The following HCN1 variants were observed in gnomAD, a reference collection of about 807,000 sequenced individuals.
The protein encoded by HCN1 is potassium/sodium hyperpolarization-activated cyclic nucleotide-gated channel 1.
A neutral mutation model predicts 78.9 loss-of-function variants in HCN1; 13 were observed. The ratio of observed to expected loss-of-function variants is 0.16; its 90% confidence interval spans 0.11 to 0.26. HCN1 has a LOEUF of 0.26. Ranked by LOEUF, HCN1 falls within the 10% of genes least tolerant of loss-of-function variation. The pLI, the probability that HCN1 is intolerant of heterozygous loss-of-function variation, is 1.00. For synonymous variants in HCN1, 552 were observed against 455.5 expected, an observed-to-expected ratio of 1.21 and a Z score of -2.70; for missense variants, 810 against 1,154.3, an observed-to-expected ratio of 0.70 and a Z score of 4.32.
At chr5:45,338,467 G>A (rs899499519) in intron 5 of HCN1, among the ~76,000 whole-genome samples, 8 of 152,124 alleles carry the variant, frequency 5.3e-5, no homozygotes, top group African/African-American at 1.9e-4. Context: ...TATATTAGAT[G>A]TGTGTATACA....
chr5:45,509,683 C>T (rs1313410584), intron 2 of HCN1, among the ~76,000 whole-genome samples: 2 of 152,092 alleles, frequency 1.3e-5, no homozygotes, highest in Non-Finnish European at 2.9e-5. Context: ...AGACGGGCTA[C>T]GTTGGAGCTA....
chr5:45,400,980 T>G (rs953913998), intron 3 of HCN1, among the ~76,000 whole-genome samples: 1 of 152,224 alleles, frequency 6.6e-6, no homozygotes, highest in African/African-American at 2.4e-5. Context: ...CACATAACTA[T>G]GTAATAGTTT....
At position 45,286,169 on chromosome 5, in the gene HCN1, G is replaced by A. The variant is rs535047206; in HGVS notation, c.1618+17430C>T. ...TTGTGTCTTCTCTCAGTGGCAAATC[G>A]ATAATGATAATAATGTTATCTTTAC... On this transcript the variant is annotated intron_variant, in intron 6 of 7. Coordinates refer to ENST00000303230, the MANE Select transcript of HCN1 (RefSeq NM_021072.4). 1.5e-4 allele frequency among the ~76,000 whole-genome samples: 23 copies of A among 152,008 alleles called. No homozygotes were observed. In the East Asian group the frequency reaches 1.9e-3, roughly 13 times the overall value.
intron 1 of HCN1, among the ~76,000 whole-genome samples, chr5:45,650,705 T>C (rs1745659924): frequency 6.6e-6 from 1 of 151,958 alleles, no homozygotes; most frequent in Non-Finnish European, 1.5e-5. Flanking sequence ...TCCCTATAGG[T>C]TTCTAGAAGA....
At chr5:45,292,878 G>A (rs1745408840) in intron 6 of HCN1, among the ~76,000 whole-genome samples, 2 of 151,914 alleles carry the variant, frequency 1.3e-5, no homozygotes, top group East Asian at 2.0e-4. Flanking sequence ...ACTGTGCTCT[G>A]GTTTTACATG....
intron 2 of HCN1, among the ~76,000 whole-genome samples, chr5:45,473,076 T>G (rs938844015): frequency 1.3e-5 from 2 of 151,928 alleles, no homozygotes; most frequent in Non-Finnish European, 2.9e-5. Flanking sequence ...TCATCATCAC[T>G]TTTTTCCATA....
intron 2 of HCN1, among the ~76,000 whole-genome samples, chr5:45,591,418 C>G (rs1561212726): frequency 6.6e-6 from 1 of 152,104 alleles, no homozygotes; most frequent in Non-Finnish European, 1.5e-5. Context: ...GCTCTGCATC[C>G]TCTTCAGTAT....
At chr5:45,553,623 G>A (rs537598482) in intron 2 of HCN1, among the ~76,000 whole-genome samples, 4 of 151,924 alleles carry the variant, frequency 2.6e-5, no homozygotes, top group Admixed American at 6.6e-5. Flanking sequence ...AAATGGCATA[G>A]TATTTGCATA....
chr5:45,397,795 T>G (rs1739715386), intron 3 of HCN1, among the ~76,000 whole-genome samples: 1 of 151,678 alleles, frequency 6.6e-6, no homozygotes. Flanking sequence ...CCATAAATAA[T>G]ACTGTATTAA....
intron 3 of HCN1, among the ~76,000 whole-genome samples, chr5:45,414,183 A>G (rs1740075550): frequency 6.6e-6 from 1 of 151,992 alleles, no homozygotes; most frequent in East Asian, 1.9e-4. Context: ...ACTAAGCAGG[A>G]GAAAATCTTA....
intron 3 of HCN1, among the ~76,000 whole-genome samples, chr5:45,413,580 G>A (rs1453879346): frequency 3.3e-5 from 5 of 151,220 alleles, no homozygotes; most frequent in South Asian, 2.1e-4. Context: ...AGCAAATTGC[G>A]TAAGTAAGAT....
chr5:45,624,806 T>C (rs1483933649), intron 2 of HCN1, among the ~76,000 whole-genome samples: 1 of 151,912 alleles, frequency 6.6e-6, no homozygotes, highest in East Asian at 1.9e-4. Context: ...AGCAGGGATG[T>C]AGGGCACACT....
At chr5:45,263,976 G>A (rs1413778933) in intron 7 of HCN1, among the ~76,000 whole-genome samples, 1 of 151,964 alleles carries the variant, frequency 6.6e-6, no homozygotes, top group East Asian at 1.9e-4. Context: ...TGTATTTTTA[G>A]TAGAGATGGG....
chr5:45,642,328 C>T (rs1014106725), intron 2 of HCN1: 4 of 152,030 alleles, frequency 2.6e-5, no homozygotes, highest in African/African-American at 9.7e-5. Context: ...ACCACTAATT[C>T]AGCTTTAGTA....
intron 6 of HCN1, among the ~76,000 whole-genome samples, chr5:45,282,016 G>A (rs953900343): frequency 6.6e-6 from 1 of 152,088 alleles, no homozygotes; most frequent in African/African-American, 2.4e-5. Context: ...TGGTACAAAA[G>A]CACATAGATT....
chr5:45,372,060 T>TTATATA (rs1436145054), intron 4 of HCN1, among the ~76,000 whole-genome samples: 5 of 58,194 alleles, frequency 8.6e-5, no homozygotes, highest in African/African-American at 3.6e-4. Flanking sequence ...TATAATATAA[T>TTATATA]TATATTATAT....
At chr5:45,334,471 A>G (rs1746412589) in intron 5 of HCN1, among the ~76,000 whole-genome samples, 1 of 151,822 alleles carries the variant, frequency 6.6e-6, no homozygotes, top group Admixed American at 6.6e-5. Context: ...TTTCTCCGCT[A>G]ATTAACTATA....
chr5:45,693,323 T>TTTTTCA (rs1739949807), intron 1 of HCN1, among the ~76,000 whole-genome samples: 16 of 152,282 alleles, frequency 1.1e-4, no homozygotes, highest in African/African-American at 3.9e-4. Flanking sequence ...TTTTTGCAGT[T>TTTTTCA]TGTTTTAGAA....
intron 2 of HCN1, among the ~76,000 whole-genome samples, chr5:45,602,534 G>T (rs1193795853): frequency 6.6e-6 from 1 of 152,120 alleles, no homozygotes; most frequent in Non-Finnish European, 1.5e-5. Context: ...CACTCAGTCT[G>T]TGGTATTTTC....
Sources: gnomAD v4.1 joint callset for allele counts (sites outside exome capture counted in the v4.1 genomes callset) on GRCh38, gnomAD v4.1.1 for gene constraint, MANE v1.5 for transcripts, NCBI Gene and HGNC (gene_info 2026-07-23, HGNC 2026-07-21) for gene names.